Variants in NELL2 observed in about 807,000 individuals in gnomAD.
The protein encoded by NELL2 is protein kinase C-binding protein NELL2.
In NELL2, 41 loss-of-function variants were observed where a neutral mutation model predicts 109.6. The observed-to-expected ratio is 0.37, with a 90% CI of 0.29 to 0.49. The LOEUF is 0.49. Among genes scored for constraint, NELL2 ranks in the 20% least tolerant of loss-of-function variants. The pLI is 0.98. For synonymous variants in NELL2, 355 were observed against 344.7 expected, an observed-to-expected ratio of 1.03 and a Z score of -0.33; for missense variants, 900 against 1,008.3, an observed-to-expected ratio of 0.89 and a Z score of 1.45.
chr12:44,545,078 A>T (rs1360530542), intron 15 of NELL2, among the ~76,000 whole-genome samples: 3 of 152,038 alleles, frequency 2.0e-5, no homozygotes, highest in Non-Finnish European at 2.9e-5. Context: ...AATGGTAAGG[A>T]GTATTTGCAA....
intron 11 of NELL2, among the ~76,000 whole-genome samples, chr12:44,709,895 A>C (rs79015201): frequency 6.6e-6 from 1 of 152,176 alleles, no homozygotes; most frequent in Non-Finnish European, 1.5e-5. Flanking sequence ...AATTGCACAC[A>C]TGCTTTGTGT....
chr12:44,686,020 T>C (rs1948704875), intron 12 of NELL2, among the ~76,000 whole-genome samples: 1 of 152,228 alleles, frequency 6.6e-6, no homozygotes, highest in South Asian at 2.1e-4. Context: ...TTTTCCAACT[T>C]GGTTCCATTC....
At chr12:44,590,846 G>C (rs1944717573) in intron 15 of NELL2, among the ~76,000 whole-genome samples, 1 of 150,300 alleles carries the variant, frequency 6.7e-6, no homozygotes, top group South Asian at 2.1e-4. Context: ...CTGCAGAATG[G>C]AAGAAAAATC....
intron 15 of NELL2, among the ~76,000 whole-genome samples, chr12:44,589,834 A>G (rs1367509468): frequency 6.6e-6 from 1 of 152,196 alleles, no homozygotes; most frequent in Non-Finnish European, 1.5e-5. Context: ...CACACTGAAT[A>G]TCACCTACTT....
chr12:44,573,519 C>G (rs1295156450), intron 15 of NELL2, among the ~76,000 whole-genome samples: 1 of 151,892 alleles, frequency 6.6e-6, no homozygotes, highest in Non-Finnish European at 1.5e-5. Flanking sequence ...AACAAAAAAC[C>G]CACTAATAAA....
chr12:44,513,826 A>G (rs915690783), intron 19 of NELL2, among the ~76,000 whole-genome samples: 1 of 151,856 alleles, frequency 6.6e-6, no homozygotes, highest in Non-Finnish European at 1.5e-5. Flanking sequence ...TCAGAAAACT[A>G]TGAGAGAAAA....
intron 9 of NELL2, among the ~76,000 whole-genome samples, chr12:44,769,328 G>A (rs1487255355): frequency 6.6e-6 from 1 of 151,990 alleles, no homozygotes; most frequent in African/African-American, 2.4e-5. Flanking sequence ...ATTAATGAAA[G>A]CAGCCCATAA....
intron 15 of NELL2, among the ~76,000 whole-genome samples, chr12:44,552,553 T>G (rs1943081468): frequency 6.6e-6 from 1 of 152,162 alleles, no homozygotes; most frequent in Non-Finnish European, 1.5e-5. Flanking sequence ...AATTTTATAT[T>G]AGATTGTTTC....
At chr12:44,519,373 T>C (rs1160005592) in intron 19 of NELL2, among the ~76,000 whole-genome samples, 6 of 152,252 alleles carry the variant, frequency 3.9e-5, no homozygotes, top group Non-Finnish European at 8.8e-5. Flanking sequence ...TCTGCCTATA[T>C]TCATTGTATT....
chr12:44,710,587 G>A (rs1379462822), intron 11 of NELL2, among the ~76,000 whole-genome samples: 1 of 152,082 alleles, frequency 6.6e-6, no homozygotes. Flanking sequence ...TTTAATACAT[G>A]AATCTATAAT....
intron 13 of NELL2, among the ~76,000 whole-genome samples, chr12:44,635,674 T>C (rs1202190265): frequency 6.6e-6 from 1 of 152,184 alleles, no homozygotes; most frequent in Admixed American, 6.5e-5. Context: ...CCATGCTGTT[T>C]TGGTTACAGT....
intron 9 of NELL2, among the ~76,000 whole-genome samples, chr12:44,722,426 A>G (rs1938827882): frequency 6.6e-6 from 1 of 152,178 alleles, no homozygotes; most frequent in Non-Finnish European, 1.5e-5. Context: ...TTGACCTCCC[A>G]AAGTGCTGGG....
chr12:44,903,483 T>A (rs1359176236), intron 1 of NELL2, among the ~76,000 whole-genome samples: 1 of 152,178 alleles, frequency 6.6e-6, no homozygotes, highest in Non-Finnish European at 1.5e-5. Context: ...AGTGTAGCGA[T>A]TCCTCAAGGA....
In NELL2 at chr12:44,532,494, G is replaced by A. The variant is rs548025550; in HGVS notation, c.1804+87C>T. ...CACATATAGTAAAAACACTAACATT[G>A]GCTCAATGTCTTCTATTTATAGCTT... On this transcript the variant is annotated intron_variant, in intron 16 of 19. Transcript: ENST00000429094. 435 of 1,336,740 alleles carry A rather than the reference G, an allele frequency of 3.3e-4. 3 individuals carry two copies. In the South Asian group the frequency reaches 3.3e-3, roughly 10 times the overall value. The allele number at this position is 1,336,740 out of a possible 1,614,324, so 82.8% of individuals were successfully genotyped here.
chr12:44,679,081 G>T (rs567741233), intron 12 of NELL2, among the ~76,000 whole-genome samples: 2 of 152,144 alleles, frequency 1.3e-5, no homozygotes, highest in Admixed American at 1.3e-4. Context: ...AACTGAGTTT[G>T]AAGATATAAT....
At chr12:44,713,828 T>C (rs891862802) in intron 10 of NELL2, among the ~76,000 whole-genome samples, 20 of 151,968 alleles carry the variant, frequency 1.3e-4, no homozygotes, top group African/African-American at 4.8e-4. Flanking sequence ...TCATAGTTTA[T>C]TGGTGGTGCC....
At chr12:44,658,617 G>C (rs1947599466) in intron 13 of NELL2, among the ~76,000 whole-genome samples, 1 of 151,910 alleles carries the variant, frequency 6.6e-6, no homozygotes, top group South Asian at 2.1e-4. Flanking sequence ...AACCAAAAAA[G>C]AGCCCACATA....
intron 3 of NELL2, among the ~76,000 whole-genome samples, chr12:44,804,402 A>G (rs1566434435): frequency 6.6e-6 from 1 of 152,066 alleles, no homozygotes; most frequent in South Asian, 2.1e-4. Flanking sequence ...TGGAGTGTAC[A>G]CAACAGCAAG....
At chr12:44,835,244 C>T (rs1436289233) in intron 2 of NELL2, among the ~76,000 whole-genome samples, 2 of 152,152 alleles carry the variant, frequency 1.3e-5, no homozygotes, top group Non-Finnish European at 2.9e-5. Flanking sequence ...GTACTCCACT[C>T]GCCCGACGTG....
Sources: allele counts gnomAD v4.1 joint callset (sites outside exome capture counted in the v4.1 genomes callset), GRCh38; gene constraint gnomAD v4.1.1; transcripts MANE v1.5; gene names NCBI Gene and HGNC (gene_info 2026-07-23, HGNC 2026-07-21).